Variants in ATP9A observed in about 807,000 individuals in gnomAD.
ATP9A encodes probable phospholipid-transporting ATPase IIA.
Under a neutral mutation model 144.1 loss-of-function variants are expected in ATP9A, and 52 were observed. The observed-to-expected ratio is 0.36, with a 90% CI of 0.29 to 0.45. The LOEUF is 0.45. Ranked by LOEUF, ATP9A falls within the 20% of genes least tolerant of loss-of-function variation. The probability of loss-of-function intolerance (pLI) is 1.00; values close to 1 mark genes in which losing one functional copy is unlikely to be tolerated. For synonymous variants in ATP9A, 582 were observed against 557.4 expected (o/e 1.04, Z -0.62); for missense variants, 947 against 1,392.7 (o/e 0.68, Z 5.09).
At chr20:51,618,408 C>A (rs575105673) in intron 21 of ATP9A, among the ~76,000 whole-genome samples, 1 of 152,186 alleles carries the variant, frequency 6.6e-6, no homozygotes, top group Admixed American at 6.5e-5. Flanking sequence ...GTGGTCTCCA[C>A]CCCCTGGAAG....
chr20:51,694,033 C>A lies in ATP9A; in HGVS notation c.617G>T (p.Cys206Phe). Residue 206 changes from cysteine (C) to phenylalanine (F), a missense_variant, in exon 7 of 28, where the codon TGC (cysteine) becomes TTC (phenylalanine). By Grantham distance (205) the Cys-to-Phe change is radical. Transcript: ENST00000338821. ...TDWKLRLPVA[C>F]TQRLPTAADL... ...GGCGGCCGTGGGGAGCCTCTGCGTG[C>A]AGGCCACGGGAAGCCGCAGCTTCCA... The A allele has an allele frequency of 6.2e-7, 1 of 1,613,910 alleles. No homozygotes were observed. Among genetic ancestry groups the A allele is most frequent in the Non-Finnish European group, 8.5e-7 (1 of 1,179,938 alleles).
Position 51,611,367 on chromosome 20 carries a change from G to A in ATP9A, c.2572-1202C>T, listed in dbSNP as rs572225224. The stretch of plus-strand genomic sequence containing the variant: ...CCCAGGCTGTGCCGCTGCTTAGGAA[G>A]GATGGTTGTAAAAATGTCAAGAATC... On this transcript the variant is annotated intron_variant, in intron 23 of 27. Transcript: ENST00000338821. The surrounding 1 kb of genome is among the most constrained non-coding windows in gnomAD (Gnocchi z 4.2). Among the ~76,000 whole-genome samples the A allele has an allele frequency of 5.9e-5, 9 of 152,310 alleles. No homozygotes were observed. Among genetic ancestry groups the A allele is most frequent in the Admixed American group, 1.3e-4 (2 of 15,304 alleles).
chr20:51,686,959 A>C (rs1482628519), intron 9 of ATP9A, among the ~76,000 whole-genome samples: 2 of 150,626 alleles, frequency 1.3e-5, no homozygotes, highest in Non-Finnish European at 2.9e-5. Context: ...CTAGTAACTT[A>C]CAAAGAAACA....
At chr20:51,765,014 T>C (rs755916238) in intron 1 of ATP9A, among the ~76,000 whole-genome samples, 2 of 152,002 alleles carry the variant, frequency 1.3e-5, no homozygotes, top group Non-Finnish European at 2.9e-5. Context: ...AACCACCACA[T>C]CTGGCCCCTA....
intron 9 of ATP9A, among the ~76,000 whole-genome samples, chr20:51,684,910 C>T (rs1486608314): frequency 6.6e-6 from 1 of 150,804 alleles, no homozygotes; most frequent in Admixed American, 6.6e-5. Context: ...ACTAGGGAGG[C>T]TGAGGCAGGA....
intron 14 of ATP9A, among the ~76,000 whole-genome samples, chr20:51,656,214 G>A (rs2122768594): frequency 1.3e-5 from 1 of 74,320 alleles, no homozygotes; most frequent in South Asian, 4.8e-4. Flanking sequence ...TTGTGATGAT[G>A]GTTGCAAAAA....
chr20:51,635,822 AAGGG>A (rs1555830945), intron 15 of ATP9A, among the ~76,000 whole-genome samples: 2,423 of 119,328 alleles, frequency 0.02, 127 homozygotes, highest in African/African-American at 0.074. Flanking sequence ...GGAAGGAAGG[AAGGG>A]AGGGAGGGAG....
chr20:51,681,317 C>A (rs1293839941), intron 9 of ATP9A, among the ~76,000 whole-genome samples: 1 of 152,214 alleles, frequency 6.6e-6, no homozygotes, highest in Non-Finnish European at 1.5e-5. Context: ...GCTCCTTCCA[C>A]CTCAGATTTC....
intron 9 of ATP9A, among the ~76,000 whole-genome samples, chr20:51,682,602 T>TTTTTTTTTTTTTTTTTTTTTTTC (rs2077504899): frequency 7.5e-6 from 1 of 134,128 alleles, no homozygotes; most frequent in Non-Finnish European, 1.6e-5. Flanking sequence ...TTTTTTTTTT[T>TTTTTTTTTTTTTTTTTTTTTTTC]TTTTTGAGAC....
rs909727185 is a variant in ATP9A at position 51,765,291 on chromosome 20, T to C, written c.68+3011A>G. ...GCTACTCCTGAAAATGCAGATTATA[T>C]ACAAGAGCATTTACGCAAATGCACA... is the stretch of plus-strand genomic sequence containing the variant. On this transcript the variant is annotated intron_variant, in intron 1 of 27. Coordinates refer to ENST00000338821, the MANE Select transcript of ATP9A (RefSeq NM_006045.3). Among the ~76,000 whole-genome samples, 23 of 152,252 alleles carry C rather than the reference T, an allele frequency of 1.5e-4. 1 individual carries two copies. Among genetic ancestry groups the C allele is most frequent in the Admixed American group, 1.4e-3 (22 of 15,282 alleles).
In ATP9A at chr20:51,643,491, T is replaced by C. The variant is rs890408333; in HGVS notation, c.1507-3987A>G. 1.1e-4 allele frequency among the ~76,000 whole-genome samples: 17 copies of C among 152,030 alleles called. 2 individuals are homozygous for C. Among genetic ancestry groups the C allele is most frequent in the East Asian group, 3.9e-4 (2 of 5,188 alleles). On this transcript the variant is annotated intron_variant, in intron 14 of 27. Transcript: ENST00000338821. ...AGGTGATTAAGTCCTGGGGGTGGGGTTCCTCATGAGTGGATGTGTGCCTTT... is the reference window on the plus strand; with the variant it reads ...AGGTGATTAAGTCCTGGGGGTGGGGCTCCTCATGAGTGGATGTGTGCCTTT...
intron 15 of ATP9A, among the ~76,000 whole-genome samples, chr20:51,635,197 AGGCCCTCGTGGGAAGGCACTGAGGGT>A (rs1474549582): frequency 6.6e-6 from 1 of 152,204 alleles, no homozygotes; most frequent in Non-Finnish European, 1.5e-5. Flanking sequence ...GACTACAGGG[AGGCCCTCGTGGGAAGGCACTGAGGGT>A]GGCCTCTGGC....
intron 4 of ATP9A, among the ~76,000 whole-genome samples, chr20:51,706,176 A>G (rs746685744): frequency 6.6e-6 from 1 of 152,372 alleles, no homozygotes; most frequent in East Asian, 1.9e-4. Context: ...TAGCATATGT[A>G]TTAAGGCTGA....
At chr20:51,625,525 C>T (rs1042594671) in intron 17 of ATP9A, among the ~76,000 whole-genome samples, 163 bp from the exon 18 acceptor site, 5 of 152,184 alleles carry the variant, frequency 3.3e-5, no homozygotes, top group African/African-American at 1.2e-4. Flanking sequence ...CTTCCAGCTT[C>T]CTCACAAGTC....
chr20:51,641,695 G>A (rs1175769704), intron 14 of ATP9A, among the ~76,000 whole-genome samples: 37 of 151,578 alleles, frequency 2.4e-4, no homozygotes, highest in African/African-American at 8.0e-4. Context: ...GCTGGGCGTG[G>A]TGGCAGGCGC....
At chr20:51,608,395 T>G in intron 25 of ATP9A, 123 bp downstream of exon 25, 1 of 705,540 alleles carries the variant, frequency 1.4e-6, no homozygotes, top group South Asian at 1.7e-5. Context: ...AGTTCAAGTG[T>G]GTTCAAATCA....
intron 13 of ATP9A, 45 bp from the exon 14 acceptor site, chr20:51,657,195 A>G: frequency 6.5e-7 from 1 of 1,538,110 alleles, no homozygotes; most frequent in South Asian, 1.1e-5. Flanking sequence ...AGAGGCAGGA[A>G]TGATTTGGAG....
At chr20:51,690,608 C>G in intron 8 of ATP9A, 131 bp downstream of exon 8, 2 of 752,800 alleles carry the variant, frequency 2.7e-6, no homozygotes, top group Middle Eastern at 5.4e-4. Context: ...GCTTTCAAGG[C>G]GGTGCCTTCT....
chr20:51,673,002 G>C (rs972529016), intron 11 of ATP9A, among the ~76,000 whole-genome samples: 10 of 152,196 alleles, frequency 6.6e-5, no homozygotes, highest in Admixed American at 2.0e-4. Flanking sequence ...AGTGAGAGCA[G>C]AGGTGATTTA....
Sources: allele counts gnomAD v4.1 joint callset (sites outside exome capture counted in the v4.1 genomes callset), GRCh38; gene constraint gnomAD v4.1.1; non-coding constraint Gnocchi (gnomAD v3.1); transcripts MANE v1.5; gene names NCBI Gene and HGNC (gene_info 2026-07-23, HGNC 2026-07-21).